The following TSHZ2 variants were observed in gnomAD, a reference collection of about 807,000 sequenced individuals.
TSHZ2 encodes the protein teashirt zinc finger homeobox 2.
Under a neutral mutation model 74.4 loss-of-function variants are expected in TSHZ2, and 21 were observed. The observed-to-expected ratio is 0.28, with a 90% CI of 0.20 to 0.41. The LOEUF (loss-of-function observed/expected upper bound fraction) is 0.41, where lower values mean the gene tolerates loss of function less well. Among genes scored for constraint, TSHZ2 ranks in the 10% least tolerant of loss-of-function variants. The pLI is 1.00. For missense variants in TSHZ2, 1,244 were observed against 1,293.5 expected (o/e 0.96, Z 0.59); for synonymous variants, 540 against 515.3 (o/e 1.05, Z -0.65).
At chr20:53,273,225 T>C (rs1990874207) in intron 2 of TSHZ2, among the ~76,000 whole-genome samples, 1 of 152,200 alleles carries the variant, frequency 6.6e-6, no homozygotes, top group South Asian at 2.1e-4. Context: ...AAAAGAACGT[T>C]GGATTTGTTT....
intron 1 of TSHZ2, among the ~76,000 whole-genome samples, chr20:53,142,421 G>A (rs746395632): frequency 3.9e-5 from 6 of 152,202 alleles, no homozygotes; most frequent in Non-Finnish European, 7.3e-5. Context: ...GGTCCCACCA[G>A]GTCACATGTA....
At chr20:53,432,718 G>A (rs1448057691) in intron 2 of TSHZ2, among the ~76,000 whole-genome samples, 3 of 152,176 alleles carry the variant, frequency 2.0e-5, no homozygotes, top group Non-Finnish European at 4.4e-5. Context: ...TCAGGGAAAA[G>A]CAAATTAAAA....
intron 2 of TSHZ2, among the ~76,000 whole-genome samples, chr20:53,447,056 C>T (rs376789564): frequency 1.6e-4 from 25 of 152,332 alleles, no homozygotes; most frequent in African/African-American, 6.0e-4. Flanking sequence ...CCCTTTTTCA[C>T]TCCATCACCT....
At chr20:53,033,656 T>TTTTC (rs1197981362) in intron 1 of TSHZ2, among the ~76,000 whole-genome samples, 5 of 104,850 alleles carry the variant, frequency 4.8e-5, no homozygotes, top group Non-Finnish European at 9.3e-5. Flanking sequence ...AAAAGCTTTT[T>TTTTC]TTTTTTTTTT....
intron 2 of TSHZ2, among the ~76,000 whole-genome samples, chr20:53,374,604 C>T (rs757515598): frequency 6.6e-6 from 1 of 152,148 alleles, no homozygotes; most frequent in Admixed American, 6.5e-5. Context: ...TTCCCACCAG[C>T]GGCATGTGAA....
chr20:53,249,510 A>G (rs1488850788), intron 1 of TSHZ2, among the ~76,000 whole-genome samples: 2 of 152,176 alleles, frequency 1.3e-5, no homozygotes, highest in Non-Finnish European at 2.9e-5. Flanking sequence ...GGGTGATGTG[A>G]TGGATAGTTA....
At chr20:53,225,569 A>G (rs561855964) in intron 1 of TSHZ2, among the ~76,000 whole-genome samples, 1 of 152,330 alleles carries the variant, frequency 6.6e-6, no homozygotes, top group African/African-American at 2.4e-5. Flanking sequence ...AGGGTCTGCA[A>G]AGCATTTTAT....
At chr20:53,188,997 A>G (rs1294762894) in intron 1 of TSHZ2, among the ~76,000 whole-genome samples, 2 of 152,222 alleles carry the variant, frequency 1.3e-5, no homozygotes, top group Non-Finnish European at 2.9e-5. Flanking sequence ...TTCTTTGCTC[A>G]AAAGCACACA....
chr20:53,442,883 C>T (rs142203281), intron 2 of TSHZ2, among the ~76,000 whole-genome samples: 66 of 152,274 alleles, frequency 4.3e-4, no homozygotes, highest in Non-Finnish European at 8.4e-4. Context: ...GAGCTCTGGG[C>T]GTGATTGTTA....
rs1292891703 is a variant in TSHZ2, at chr20:53,408,968, C to T, written c.*9-78176C>T. 3.3e-5 allele frequency among the ~76,000 whole-genome samples: 5 copies of T among 152,218 alleles called. No homozygotes were observed. The South Asian group carries it at 6.2e-4, about 19-fold the overall frequency. ...GGCCAGCCTATTCTTCTCGTAGAGA[C>T]GGTCACTGATTCCCTCTCTTCTGAT... On this transcript the variant is annotated intron_variant, in intron 2 of 2. Coordinates refer to ENST00000371497, the MANE Select transcript of TSHZ2 (RefSeq NM_173485.6).
chr20:53,351,235 A>AT (rs994156596), intron 2 of TSHZ2, among the ~76,000 whole-genome samples: 25 of 151,856 alleles, frequency 1.6e-4, no homozygotes, highest in East Asian at 1.9e-4. Context: ...GAGTGAATAG[A>AT]TTTTTTTTTC....
At chr20:53,202,741 C>T (rs914156685) in intron 1 of TSHZ2, among the ~76,000 whole-genome samples, 6 of 152,148 alleles carry the variant, frequency 3.9e-5, no homozygotes, top group African/African-American at 1.4e-4. Context: ...CCTGGGGTGC[C>T]TTGATCCAAC....
At chr20:53,176,112 G>T (rs2123497442) in intron 1 of TSHZ2, among the ~76,000 whole-genome samples, 1 of 152,304 alleles carries the variant, frequency 6.6e-6, no homozygotes, top group South Asian at 2.1e-4. Context: ...TTTGACAACA[G>T]GTGCTGAACT....
At chr20:53,326,309 G>A (rs1979490108) in intron 2 of TSHZ2, among the ~76,000 whole-genome samples, 1 of 152,182 alleles carries the variant, frequency 6.6e-6, no homozygotes, top group South Asian at 2.1e-4. Context: ...CTAAGCAAAG[G>A]AACTTGGAGT....
chr20:53,163,937 CATTA>C (rs1169013499), intron 1 of TSHZ2, among the ~76,000 whole-genome samples: 5 of 152,104 alleles, frequency 3.3e-5, no homozygotes, highest in Non-Finnish European at 7.4e-5. Flanking sequence ...TGGTTTTCTC[CATTA>C]ATTATGTCAT....
At chr20:53,300,832 C>T (rs1991464766) in intron 2 of TSHZ2, among the ~76,000 whole-genome samples, 1 of 152,128 alleles carries the variant, frequency 6.6e-6, no homozygotes, top group Admixed American at 6.5e-5. Context: ...GAAAAGGGGT[C>T]GCAATTGGCA....
At chr20:53,278,145 T>A (rs1229879419) in intron 2 of TSHZ2, among the ~76,000 whole-genome samples, 1 of 152,240 alleles carries the variant, frequency 6.6e-6, no homozygotes, top group Admixed American at 6.5e-5. Context: ...TTTCTCATCA[T>A]TTAAATCTCA....
chr20:53,340,089 C>T (rs1333967452), intron 2 of TSHZ2, among the ~76,000 whole-genome samples: 2 of 151,696 alleles, frequency 1.3e-5, no homozygotes, highest in African/African-American at 4.8e-5. Context: ...GTGATCATCT[C>T]TTTCCAGAAG....
At chr20:53,478,734 A>C (rs1986062425) in intron 2 of TSHZ2, among the ~76,000 whole-genome samples, 1 of 151,998 alleles carries the variant, frequency 6.6e-6, no homozygotes, top group African/African-American at 2.4e-5. Flanking sequence ...CGTGGGGAGC[A>C]GAGGTCCTCC....
Sources: allele counts gnomAD v4.1 joint callset (sites outside exome capture counted in the v4.1 genomes callset), GRCh38; gene constraint gnomAD v4.1.1; transcripts MANE v1.5; gene names NCBI Gene and HGNC (gene_info 2026-07-23, HGNC 2026-07-21).